FMN2: variants seen among roughly 807,000 people sequenced by gnomAD.
FMN2 encodes the protein formin-2.
FMN2 carries 51 observed loss-of-function variants against 142.3 expected under a neutral mutation model. The ratio of observed to expected loss-of-function variants is 0.36; its 90% confidence interval spans 0.29 to 0.45. The LOEUF is 0.45. Ranked by LOEUF, FMN2 falls within the 20% of genes least tolerant of loss-of-function variation. The pLI is 1.00. For synonymous variants in FMN2, 882 were observed against 869.8 expected (o/e 1.01, Z -0.25); for missense variants, 1,936 against 2,122.8 (o/e 0.91, Z 1.73).
chr1:240,258,310 G>A (rs1266313593), intron 7 of FMN2, among the ~76,000 whole-genome samples: 1 of 152,060 alleles, frequency 6.6e-6, no homozygotes, highest in Non-Finnish European at 1.5e-5. Flanking sequence ...CAGACTGGTG[G>A]GTGATAAATA....
At chr1:240,377,896 TATAAC>T (rs1358815012) in intron 14 of FMN2, among the ~76,000 whole-genome samples, 21 of 152,102 alleles carry the variant, frequency 1.4e-4, no homozygotes, top group Non-Finnish European at 2.8e-4. Flanking sequence ...TCCCATGTAA[TATAAC>T]ATATTCATAG....
intron 16 of FMN2, among the ~76,000 whole-genome samples, chr1:240,452,018 C>T (rs377087672): frequency 1.5e-4 from 22 of 151,066 alleles, no homozygotes; most frequent in Admixed American, 4.6e-4. Flanking sequence ...AGTGAAACCC[C>T]GTCTCTACTA....
At chr1:240,365,320 TAC>T (rs144579291) in intron 14 of FMN2, among the ~76,000 whole-genome samples, 2,972 of 129,094 alleles carry the variant, frequency 0.023, 31 homozygotes, top group East Asian at 0.051. Context: ...CACATATATA[TAC>T]ACACACACAC....
rs1446183506 is a variant in FMN2, at chr1:240,330,736, A to G, written c.4571A>G (p.Asp1524Gly). ...FGLDILPKLK[D>G]VKSSDNSRSL... ...TTAGACATTCTTCCAAAACTGAAAG[A>G]TGTCAAGAGCAGTGTAAGTATTTTG... Residue 1524 changes from aspartate (D) to glycine (G), a missense_variant, in exon 11 of 18, where the codon GAT becomes GGT. Physicochemically the swap from Asp to Gly is moderately conservative, Grantham distance 94 (BLOSUM62 -1). Transcript: ENST00000319653. 1.2e-6 allele frequency: 2 copies of G among 1,613,836 alleles called. No homozygotes were observed. The highest frequency in any genetic ancestry group is 2.7e-5 in the African/African-American group (2 of 74,942).
At chr1:240,157,605 G>A (rs1664075709) in intron 2 of FMN2, among the ~76,000 whole-genome samples, 2 of 151,958 alleles carry the variant, frequency 1.3e-5, no homozygotes, top group South Asian at 2.1e-4. Context: ...ATGAAGTGGG[G>A]GAAAGGAAGG....
chr1:240,245,914 C>T (rs533362645), intron 6 of FMN2, among the ~76,000 whole-genome samples: 1 of 149,682 alleles, frequency 6.7e-6, no homozygotes, highest in African/African-American at 2.5e-5. Flanking sequence ...GGCACAGTGG[C>T]TTACGCCTGT....
intron 4 of FMN2, among the ~76,000 whole-genome samples, chr1:240,201,967 A>C (rs929797362): frequency 3.3e-5 from 5 of 152,192 alleles, no homozygotes; most frequent in Non-Finnish European, 4.4e-5. Context: ...TGAGGCCACC[A>C]TTGCAATTTG....
intron 13 of FMN2, among the ~76,000 whole-genome samples, chr1:240,355,055 A>G (rs180886267): frequency 9.0e-4 from 137 of 152,312 alleles, no homozygotes; most frequent in African/African-American, 3.0e-3. Context: ...TAAGACATTT[A>G]TGATGCCACA....
At chr1:240,199,060 G>A (rs113025913) in intron 4 of FMN2, among the ~76,000 whole-genome samples, 3,229 of 152,136 alleles carry the variant, frequency 0.021, 124 homozygotes, top group African/African-American at 0.073. Context: ...AGCCGAGACC[G>A]TGCCATTGGA....
chr1:240,147,730 T>G (rs945097916), intron 2 of FMN2, among the ~76,000 whole-genome samples: 3 of 152,182 alleles, frequency 2.0e-5, no homozygotes, highest in African/African-American at 7.2e-5. Flanking sequence ...CTGTAGCTCT[T>G]ATTTATGACC....
intron 16 of FMN2, among the ~76,000 whole-genome samples, chr1:240,462,279 A>G (rs1179673771): frequency 6.6e-6 from 1 of 152,198 alleles, no homozygotes; most frequent in Non-Finnish European, 1.5e-5. Flanking sequence ...GTATCCTTAC[A>G]GTCTCCTAAT....
rs1179488160 is a variant in FMN2 at position 240,093,406 on chromosome 1, C to G, written c.1297C>G (p.Pro433Ala). Residue 433 changes from proline (P) to alanine (A), a missense_variant, in exon 1 of 18, where the codon CCG (proline) becomes GCG (alanine). Physicochemically the swap from Pro to Ala is conservative, Grantham distance 27 (BLOSUM62 -1). Around this residue, in one of 8 missense-constraint regions of FMN2, gnomAD observed 751 missense variants for 791.8 expected, o/e 0.95. Coordinates refer to ENST00000319653, the MANE Select transcript of FMN2 (RefSeq NM_020066.5). ...GCAGCTCAGCTCGCCCAATCACTCC[C>G]CGTCTCAGTCCCCTAATCAGAGCCC... ...TRQLSSPNHS[P>A]SQSPNQSPRI... is the part of the protein sequence containing the mutation. 6.2e-7 allele frequency: 1 copy of G among 1,613,676 alleles called. No homozygotes were observed. The highest frequency in any genetic ancestry group is 8.5e-7 in the Non-Finnish European group (1 of 1,179,766).
chr1:240,383,720 A>G (rs1376464637), intron 14 of FMN2, among the ~76,000 whole-genome samples: 3 of 152,118 alleles, frequency 2.0e-5, no homozygotes, highest in Admixed American at 6.5e-5. Flanking sequence ...CATTCGACCC[A>G]GCAATCAACC....
chr1:240,300,721 A>T (rs1229304014), intron 8 of FMN2, among the ~76,000 whole-genome samples: 3 of 152,192 alleles, frequency 2.0e-5, no homozygotes, highest in Admixed American at 2.0e-4. Flanking sequence ...GTTTGCTAAG[A>T]TCAGTGCTAG....
intron 13 of FMN2, among the ~76,000 whole-genome samples, chr1:240,351,288 A>C (rs1168536112): frequency 6.6e-6 from 1 of 152,168 alleles, no homozygotes; most frequent in East Asian, 1.9e-4. Flanking sequence ...TGGGAATTCT[A>C]ATATTTTGAG....
chr1:240,449,962 C>A (rs1675952002), intron 16 of FMN2, among the ~76,000 whole-genome samples: 1 of 152,038 alleles, frequency 6.6e-6, no homozygotes, highest in Non-Finnish European at 1.5e-5. Context: ...GTGTACAATA[C>A]ATATTATTAT....
chr1:240,172,324 C>T (rs746345887), intron 2 of FMN2, among the ~76,000 whole-genome samples: 2 of 152,054 alleles, frequency 1.3e-5, no homozygotes, highest in Non-Finnish European at 1.5e-5. Flanking sequence ...TCAGTTTGCT[C>T]AACTACTTAT....
chr1:240,114,652 A>ATTTGTT lies in FMN2; in HGVS notation c.1616-8524_1616-8523insGTTTTT, dbSNP rs749819049. ...AAAATGGTGATTTTCTAATTATATC[A>ATTTGTT]TTTCTTTTTTTTTTTTTTTTTTGAG... On this transcript the variant is annotated intron_variant, in intron 1 of 17. Transcript: ENST00000319653. Among the ~76,000 whole-genome samples the ATTTGTT allele has an allele frequency of 2.2e-5, 3 of 137,778 alleles. 1 individual carries two copies. The highest frequency in any genetic ancestry group is 1.6e-5 in the Non-Finnish European group (1 of 63,796). The allele number at this position is 137,778 out of a possible 152,430, so 90.4% of individuals were successfully genotyped here.
intron 8 of FMN2, among the ~76,000 whole-genome samples, chr1:240,322,712 G>A (rs777665878): frequency 1.1e-4 from 16 of 152,166 alleles, no homozygotes; most frequent in Admixed American, 2.0e-4. Flanking sequence ...GAATCCACAC[G>A]TGGAAGGGCA....
Sources: gnomAD v4.1 joint callset for allele counts (sites outside exome capture counted in the v4.1 genomes callset) on GRCh38, gnomAD v4.1.1 for gene constraint, gnomAD v4.1.1 regional missense constraint, MANE v1.5 for transcripts, NCBI Gene and HGNC (gene_info 2026-07-23, HGNC 2026-07-21) for gene names.